Variants in SLC38A6 observed in about 807,000 individuals in gnomAD.
SLC38A6 encodes the protein N system amino acid transporter NAT-1.
In SLC38A6, 73 loss-of-function variants were observed where a neutral mutation model predicts 65.0. The ratio of observed to expected loss-of-function variants is 1.12; its 90% confidence interval spans 0.93 to 1.37. SLC38A6 has a LOEUF of 1.37. Among genes scored for constraint, SLC38A6 ranks in the 40% most tolerant of loss-of-function variants. The pLI, the probability that SLC38A6 is intolerant of heterozygous loss-of-function variation, is 0.00. For synonymous variants in SLC38A6, 183 were observed against 178.8 expected (o/e 1.02, Z -0.19); for missense variants, 561 against 531.1 (o/e 1.06, Z -0.55).
At position 61,046,073 on chromosome 14, in the gene SLC38A6, A is replaced by G. The variant is rs750464345; in HGVS notation, c.831A>G (p.Ser277=). 1.2e-6 allele frequency: 2 copies of G among 1,601,382 alleles called. No homozygotes were observed. The highest frequency in any genetic ancestry group is 1.3e-5 in the African/African-American group (1 of 74,540). The part of the protein sequence containing the change: ...LPIYCELQSP[S]KKRMQNVTNT... Reference sequence around the variant, plus strand: ...TGTCATTTTTGTCTTTTAGTCCTTCAAAGAAAAGAATGCAGAATGTTACCA... The same window carrying G: ...TGTCATTTTTGTCTTTTAGTCCTTCGAAGAAAAGAATGCAGAATGTTACCA... Residue 277 remains serine (S), a synonymous_variant, in exon 12 of 16, where the codon TCA becomes TCG. Transcript: ENST00000267488.
intron 4 of SLC38A6, among the ~76,000 whole-genome samples, chr14:61,018,616 T>G (rs977324280): frequency 7.9e-5 from 12 of 152,156 alleles, no homozygotes; most frequent in Non-Finnish European, 1.8e-4. Context: ...CCATTAAGAC[T>G]TGAGTGATTG....
At chr14:61,028,653 A>G (rs1211144502) in intron 5 of SLC38A6, among the ~76,000 whole-genome samples, 1 of 152,166 alleles carries the variant, frequency 6.6e-6, no homozygotes, top group Non-Finnish European at 1.5e-5. Context: ...GAAATGTCTC[A>G]GTGGATTTTA....
chr14:60,991,210 G>A (rs1018011095), intron 3 of SLC38A6, among the ~76,000 whole-genome samples: 7 of 152,096 alleles, frequency 4.6e-5, no homozygotes, highest in Non-Finnish European at 1.0e-4. Context: ...CAAAGTAAAA[G>A]CAAAAATCAT....
rs111836223 is a variant in SLC38A6, at chr14:61,045,265, G to T, written c.745-81G>T. The T allele has an allele frequency of 2.5e-4, 219 of 881,010 alleles. No individual in the cohort carries two copies. In the African/African-American group the frequency reaches 3.5e-3, roughly 14 times the overall value. 54.6% of individuals were successfully genotyped at this position (881,010 alleles called of 1,614,324 possible). ...AATGTAATCAAATTGATTTTTTAAA[G>T]AACTGAGTTTGTTGTCAAATGAAAT... On this transcript the variant is annotated intron_variant, in intron 10 of 15. Coordinates refer to ENST00000267488, the MANE Select transcript of SLC38A6 (RefSeq NM_153811.3).
At chr14:61,007,446 A>G (rs1432757101) in intron 3 of SLC38A6, among the ~76,000 whole-genome samples, 1 of 152,188 alleles carries the variant, frequency 6.6e-6, no homozygotes, top group Non-Finnish European at 1.5e-5. Context: ...CCTGGGCAAC[A>G]TAGTGAAACC....
chr14:61,012,220 G>T (rs1041063546), intron 3 of SLC38A6, among the ~76,000 whole-genome samples: 3 of 152,094 alleles, frequency 2.0e-5, no homozygotes, highest in Non-Finnish European at 2.9e-5. Flanking sequence ...CTGTGGGATC[G>T]GTGGTGATAT....
intron 3 of SLC38A6, among the ~76,000 whole-genome samples, chr14:60,995,375 A>G (rs7153855): frequency 0.85 from 129,509 of 152,210 alleles, 56,525 homozygotes; most frequent in Non-Finnish European, 0.96. Context: ...ACAGAAGGAA[A>G]AATACTGCAT....
At chr14:61,017,279 A>T (rs938193868) in intron 4 of SLC38A6, among the ~76,000 whole-genome samples, 2 of 152,268 alleles carry the variant, frequency 1.3e-5, no homozygotes, top group East Asian at 1.9e-4. Flanking sequence ...ACCTCAGGTG[A>T]TCCACCTGCC....
chr14:61,041,827 G>A (rs2041834329), intron 8 of SLC38A6, among the ~76,000 whole-genome samples: 1 of 152,144 alleles, frequency 6.6e-6, no homozygotes, highest in East Asian at 1.9e-4. Context: ...TTGAGCCTGG[G>A]AGGTGGAGGT....
intron 16 of SLC38A6, among the ~76,000 whole-genome samples, chr14:61,080,540 A>C (rs577023989): frequency 3.3e-5 from 5 of 152,284 alleles, no homozygotes; most frequent in African/African-American, 1.2e-4. Flanking sequence ...CTTGAGTTCT[A>C]CCCTCATGGA....
At chr14:61,072,592 T>C (rs2043267110) in intron 15 of SLC38A6, among the ~76,000 whole-genome samples, 1 of 152,244 alleles carries the variant, frequency 6.6e-6, no homozygotes, top group African/African-American at 2.4e-5. Context: ...TCAACTGTTT[T>C]GATTTTTAGA....
At chr14:61,035,035 A>G (rs2041258038) in intron 6 of SLC38A6, among the ~76,000 whole-genome samples, 1 of 152,178 alleles carries the variant, frequency 6.6e-6, no homozygotes, top group Non-Finnish European at 1.5e-5. Context: ...GGAGACTGGT[A>G]TCTGGCAGAG....
At position 61,071,541 on chromosome 14, in the gene SLC38A6, G is replaced by T. The variant is rs146099306; in HGVS notation, c.1291-7269G>T. Among the ~76,000 whole-genome samples, 164 of 152,168 alleles carry T rather than the reference G, an allele frequency of 1.1e-3. No individual in the cohort carries two copies. The East Asian group carries it at 0.023, about 21-fold the overall frequency. ...TACAAAAAATACAAAAATTAGCCAGGTGTGGTGGCGTGTGGCCATAGTCCG... is the reference window on the plus strand; with the variant it reads ...TACAAAAAATACAAAAATTAGCCAGTTGTGGTGGCGTGTGGCCATAGTCCG... On this transcript the variant is annotated intron_variant, in intron 15 of 16. Transcript: ENST00000354886.
chr14:61,030,587 G>T, intron 6 of SLC38A6, 64 bp downstream of exon 6: 1 of 1,124,276 alleles, frequency 8.9e-7, no homozygotes, highest in South Asian at 1.4e-5. Context: ...GTATTAAGCT[G>T]TAAATGGCAA....
chr14:60,992,652 A>G lies in SLC38A6; in HGVS notation c.310+7849A>G, dbSNP rs1020868765. Among the ~76,000 whole-genome samples, 4 of 152,012 alleles carry G rather than the reference A, an allele frequency of 2.6e-5. No individual in the cohort carries two copies. In the East Asian group the frequency reaches 7.7e-4, roughly 29 times the overall value. ...TGAGTGTGAGGTGGGAAATATAATA[A>G]TGTTGCTCCCTCTGTTATATTTTTT... is the stretch of plus-strand genomic sequence containing the variant. On this transcript the variant is annotated intron_variant, in intron 3 of 15. Coordinates refer to ENST00000267488, the MANE Select transcript of SLC38A6 (RefSeq NM_153811.3).
chr14:60,990,460 G>A (rs1801561541), intron 3 of SLC38A6, among the ~76,000 whole-genome samples: 1 of 150,770 alleles, frequency 6.6e-6, no homozygotes, highest in South Asian at 2.1e-4. Flanking sequence ...GCTCAGATTT[G>A]TAAAACTCCC....
chr14:61,062,954 C>T (rs1179976642), intron 15 of SLC38A6, among the ~76,000 whole-genome samples: 1 of 152,220 alleles, frequency 6.6e-6, no homozygotes, highest in Non-Finnish European at 1.5e-5. Context: ...GCTGAGATTA[C>T]AGGCATGAGC....
At chr14:61,039,089 A>G (rs1449588278) in intron 8 of SLC38A6, among the ~76,000 whole-genome samples, 2 of 152,208 alleles carry the variant, frequency 1.3e-5, no homozygotes, top group Admixed American at 1.3e-4. Flanking sequence ...GGAGTAATTT[A>G]GTTTTCATAG....
At chr14:61,055,222 G>T (rs1340174663), downstream of SLC38A6, among the ~76,000 whole-genome samples, 2 of 77,558 alleles carry the variant, frequency 2.6e-5, no homozygotes, top group Non-Finnish European at 2.5e-5. Flanking sequence ...ACCCACTAAC[G>T]TGTCATCTAG....
Sources: gnomAD v4.1 joint callset for allele counts (sites outside exome capture counted in the v4.1 genomes callset) on GRCh38, gnomAD v4.1.1 for gene constraint, MANE v1.5 for transcripts, NCBI Gene and HGNC (gene_info 2026-07-23, HGNC 2026-07-21) for gene names.